Variants in CMTR1 observed in about 807,000 individuals in gnomAD.
CMTR1 encodes cap-specific mRNA (nucleoside-2'-O-)-methyltransferase 1.
Under a neutral mutation model 107.0 loss-of-function variants are expected in CMTR1, and 39 were observed. The observed-to-expected ratio is 0.36, with a 90% CI of 0.28 to 0.48. CMTR1 has a LOEUF of 0.48. CMTR1 is among the 20% of genes least tolerant of loss of function. CMTR1 has a pLI of 0.99. For synonymous variants in CMTR1, 366 were observed against 379.5 expected (o/e 0.96, Z 0.41); for missense variants, 672 against 1,064.9 (o/e 0.63, Z 5.14).
chr6:37,451,732 C>T, intron 5 of CMTR1, 74 bp from the exon 6 acceptor site: 1 of 1,102,666 alleles, frequency 9.1e-7, no homozygotes, highest in Non-Finnish European at 1.4e-6. Context: ...TTACTTGGAA[C>T]CCTAATTTCT....
chr6:37,450,487 A>G (rs2270687), intron 5 of CMTR1, 144 bp downstream of exon 5: 311,046 of 661,600 alleles, frequency 0.47, 79,573 homozygotes, highest in Middle Eastern at 0.59. Context: ...CTGTGTCAAG[A>G]GGGAGTGTCA....
chr6:37,461,437 A>G, intron 10 of CMTR1, 112 bp from the exon 11 acceptor site: 2 of 604,922 alleles, frequency 3.3e-6, no homozygotes, highest in Non-Finnish European at 5.9e-6. Flanking sequence ...CATCAATCAG[A>G]TGGTGATCAG....
Position 37,450,241 on chromosome 6 carries a change from T to G in CMTR1, c.445-10T>G, listed in dbSNP as rs1334190378. ...CATATCTGTCTTACTAGCCTCTCTTTTGTTTGCAGCCCAGTGCTTGTGAGC... is the reference window on the plus strand; with the variant it reads ...CATATCTGTCTTACTAGCCTCTCTTGTGTTTGCAGCCCAGTGCTTGTGAGC... On this transcript the variant is annotated splice_polypyrimidine_tract_variant and intron_variant, in intron 4 of 23. Coordinates refer to ENST00000373451, the MANE Select transcript of CMTR1 (RefSeq NM_015050.3). 6 of 1,612,730 alleles carry G rather than the reference T, an allele frequency of 3.7e-6. No individual in the cohort carries two copies. Among genetic ancestry groups the G allele is most frequent in the Non-Finnish European group, 5.1e-6 (6 of 1,178,798 alleles).
intron 2 of CMTR1, among the ~76,000 whole-genome samples, chr6:37,437,308 C>A (rs1183046031): frequency 1.3e-5 from 2 of 150,810 alleles, no homozygotes; most frequent in African/African-American, 4.9e-5. Flanking sequence ...GGGCGGATCA[C>A]GAGGTCAGGA....
Position 37,480,674 on chromosome 6 carries a change from T to A in CMTR1, c.*529T>A. 9.8e-7 allele frequency: 1 copy of A among 1,023,408 alleles called. No individual in the cohort carries two copies. Among genetic ancestry groups the A allele is most frequent in the Non-Finnish European group, 1.2e-6 (1 of 854,838 alleles). The allele number at this position is 1,023,408 out of a possible 1,614,324, so 63.4% of individuals were successfully genotyped here. A position where few individuals can be genotyped will look rare whatever the true frequency, so the allele number is the denominator to read the frequency against. ...TTTCTTTGAACTTACTCTGTTTTGA[T>A]GCCAAATTGGAGACCATTTTCTTGT... On this transcript the variant is annotated 3_prime_UTR_variant, in exon 24 of 24. Transcript: ENST00000373451.
At chr6:37,446,251 T>G in intron 3 of CMTR1, 40 bp from the exon 4 acceptor site, 12 of 1,606,642 alleles carry the variant, frequency 7.5e-6, no homozygotes, top group Non-Finnish European at 1.0e-5. Flanking sequence ...AAATGTCTGT[T>G]GAACCTAATT....
intron 13 of CMTR1, 91 bp downstream of exon 13, chr6:37,463,099 T>A: frequency 7.4e-7 from 1 of 1,348,472 alleles, no homozygotes; most frequent in African/African-American, 1.4e-5. Flanking sequence ...TTGGTATCAC[T>A]TTGTCAACCC....
intron 2 of CMTR1, among the ~76,000 whole-genome samples, chr6:37,436,940 C>G (rs1452423627): frequency 6.6e-6 from 1 of 152,124 alleles, no homozygotes; most frequent in African/African-American, 2.4e-5. Context: ...GTAGGAAATA[C>G]AGTTTATTCA....
intron 13 of CMTR1, among the ~76,000 whole-genome samples, chr6:37,469,712 G>A (rs187990738): frequency 2.0e-5 from 3 of 151,520 alleles, no homozygotes; most frequent in Admixed American, 1.3e-4. Flanking sequence ...ATTTTTAGTA[G>A]AGACAGAGTT....
At chr6:37,461,824 A>T in intron 11 of CMTR1, 146 bp from the exon 12 acceptor site, 2 of 959,406 alleles carry the variant, frequency 2.1e-6, no homozygotes, top group Non-Finnish European at 3.2e-6. Context: ...CCCTCCAAAG[A>T]TGGTTCTCCC....
At chr6:37,468,885 A>T (rs1440005612) in intron 13 of CMTR1, among the ~76,000 whole-genome samples, 3 of 150,530 alleles carry the variant, frequency 2.0e-5, no homozygotes, top group East Asian at 2.0e-4. Flanking sequence ...TCCGTCTCAA[A>T]AAATAAATAA....
At chr6:37,428,008 C>CAGAGAGAGAGAGAGAGAG in the CMTR1 span, among the ~76,000 whole-genome samples, 89 of 114,854 alleles carry the variant, frequency 7.7e-4, 1 homozygote, top group Non-Finnish European at 1.2e-3. Flanking sequence ...GCAACAGAGA[C>CAGAGAGAGAGAGAGAGAG]AGAGAGAGAG....
chr6:37,475,208 G>C lies in CMTR1; in HGVS notation c.1945-113G>C, dbSNP rs534268907. ...ACAAGAAAAATATCCTGCATTTAGA[G>C]CCCTACCCTTCCCCCAGCTGTAGGC... is the stretch of plus-strand genomic sequence containing the variant. On this transcript the variant is annotated intron_variant, in intron 18 of 23. Coordinates refer to ENST00000373451, the MANE Select transcript of CMTR1 (RefSeq NM_015050.3). The C allele has an allele frequency of 1.1e-5, 9 of 814,884 alleles. No homozygotes were observed. The African/African-American group carries it at 1.2e-4, about 11-fold the overall frequency. The allele number at this position is 814,884 out of a possible 1,614,324, so 50.5% of individuals were successfully genotyped here.
chr6:37,440,224 T>C (rs146225987), intron 2 of CMTR1, among the ~76,000 whole-genome samples: 53 of 152,352 alleles, frequency 3.5e-4, no homozygotes, highest in African/African-American at 1.3e-3. Context: ...ATGAGTTTAA[T>C]AGACTGACCT....
At chr6:37,438,178 G>A (rs1461345929) in intron 2 of CMTR1, among the ~76,000 whole-genome samples, 1 of 152,118 alleles carries the variant, frequency 6.6e-6, no homozygotes, top group East Asian at 1.9e-4. Context: ...CCAGGAGTTT[G>A]AGACCAGCCT....
At chr6:37,474,677 C>T in intron 18 of CMTR1, 31 bp downstream of exon 18, 1 of 1,610,914 alleles carries the variant, frequency 6.2e-7, no homozygotes, top group East Asian at 2.2e-5. Flanking sequence ...GGTGTTGGCC[C>T]TGCAGCTAGG....
At chr6:37,433,821 A>G (rs1771454964) in intron 1 of CMTR1, among the ~76,000 whole-genome samples, 2 of 152,174 alleles carry the variant, frequency 1.3e-5, no homozygotes, top group African/African-American at 4.8e-5. Flanking sequence ...TGAGCAGGGC[A>G]CTGGTTAGCT....
At chr6:37,461,359 G>A (rs142035581) in intron 10 of CMTR1, among the ~76,000 whole-genome samples, 190 bp from the exon 11 acceptor site, 10 of 152,282 alleles carry the variant, frequency 6.6e-5, no homozygotes, top group African/African-American at 2.4e-4. Flanking sequence ...GTAGGCCTGG[G>A]TCCTGTGCTT....
In CMTR1 at chr6:37,468,346, T is replaced by C. The variant is rs1287999443; in HGVS notation, c.1506-2675T>C. ...TTATATAAACTCTACTTTATATTGT[T>C]ACTATTTTTACTTTAAACCGTTTAT... On this transcript the variant is annotated intron_variant, in intron 13 of 23. Transcript: ENST00000373451. 2.6e-5 allele frequency among the ~76,000 whole-genome samples: 4 copies of C among 152,336 alleles called. No individual in the cohort carries two copies. In the East Asian group the frequency reaches 5.8e-4, roughly 22 times the overall value.
Sources: gnomAD v4.1 joint callset for allele counts (sites outside exome capture counted in the v4.1 genomes callset) on GRCh38, gnomAD v4.1.1 for gene constraint, MANE v1.5 for transcripts, NCBI Gene and HGNC (gene_info 2026-07-23, HGNC 2026-07-21) for gene names.